TLE4: variants seen among roughly 807,000 people sequenced by gnomAD.
The protein encoded by TLE4 is TLE family member 4, transcriptional corepressor, also known as transducin-like enhancer protein 4.
In TLE4, 8 loss-of-function variants were observed where a neutral mutation model predicts 92.8. That is an observed-to-expected ratio of 0.09 (90% CI 0.05 to 0.16). The LOEUF (loss-of-function observed/expected upper bound fraction) is 0.16. Among genes scored for constraint, TLE4 ranks in the 10% least tolerant of loss-of-function variants. The pLI is 1.00. For missense variants in TLE4, 675 were observed against 997.6 expected (o/e 0.68, Z 4.36); for synonymous variants, 371 against 374.1 (o/e 0.99, Z 0.10).
At chr9:79,627,907 A>G (rs62569302) in intron 6 of TLE4, among the ~76,000 whole-genome samples, 4,075 of 152,036 alleles carry the variant, frequency 0.027, 85 homozygotes, top group African/African-American at 0.055. Context: ...AGTGGCTCTT[A>G]TGGGTTAGTG....
At chr9:79,686,457 T>A (rs1296325995) in intron 8 of TLE4, among the ~76,000 whole-genome samples, 3 of 152,128 alleles carry the variant, frequency 2.0e-5, no homozygotes, top group Non-Finnish European at 4.4e-5. Context: ...TATTTAGAAA[T>A]AGGGTCTTGG....
At chr9:79,607,052 T>A (rs1453963813) in intron 4 of TLE4, among the ~76,000 whole-genome samples, 1 of 152,186 alleles carries the variant, frequency 6.6e-6, no homozygotes, top group Non-Finnish European at 1.5e-5. Context: ...TCCTGACTTT[T>A]TAATGATCCC....
At chr9:79,691,136 C>T (rs2135526801) in intron 8 of TLE4, among the ~76,000 whole-genome samples, 1 of 152,152 alleles carries the variant, frequency 6.6e-6, no homozygotes, top group South Asian at 2.1e-4. Context: ...CAGTCTAAAC[C>T]ACCAGCATTT....
At chr9:79,654,171 A>AT (rs1477317545) in intron 8 of TLE4, 96 bp downstream of exon 8, 5 of 1,287,748 alleles carry the variant, frequency 3.9e-6, no homozygotes, top group Non-Finnish European at 4.5e-6. Context: ...TTAGAGAATG[A>AT]TTTCATTGGT....
At chr9:79,572,906 A>G in intron 1 of TLE4, 71 bp downstream of exon 1, 4 of 1,518,200 alleles carry the variant, frequency 2.6e-6, no homozygotes, top group Non-Finnish European at 3.6e-6. Context: ...CTGCGCACCG[A>G]GTTGTGTCTT....
At chr9:79,678,504 C>T (rs2063720578) in intron 8 of TLE4, among the ~76,000 whole-genome samples, 1 of 151,630 alleles carries the variant, frequency 6.6e-6, no homozygotes, top group Admixed American at 6.6e-5. Context: ...TAAAGATTAC[C>T]ACTGTATCTG....
intron 6 of TLE4, among the ~76,000 whole-genome samples, chr9:79,644,893 A>T (rs938203598): frequency 1.3e-5 from 2 of 152,126 alleles, no homozygotes; most frequent in African/African-American, 4.8e-5. Context: ...CTCCTGGTGG[A>T]TGAGTAGTAT....
chr9:79,654,825 A>T (rs909794602), intron 8 of TLE4, among the ~76,000 whole-genome samples: 1 of 152,190 alleles, frequency 6.6e-6, no homozygotes, highest in African/African-American at 2.4e-5. Flanking sequence ...TAATGTGATC[A>T]CTTATGAACC....
At chr9:79,651,255 C>T (rs190862503) in intron 6 of TLE4, among the ~76,000 whole-genome samples, 156 of 152,270 alleles carry the variant, frequency 1.0e-3, no homozygotes, top group African/African-American at 2.8e-3. Context: ...TATTGCTAAG[C>T]AGGGTTTGAG....
chr9:79,628,077 G>T (rs1031002781), intron 6 of TLE4, among the ~76,000 whole-genome samples: 5 of 151,980 alleles, frequency 3.3e-5, no homozygotes, highest in African/African-American at 1.2e-4. Context: ...GCTTATATAT[G>T]TATGTTTTTT....
chr9:79,682,963 A>C (rs1009477114), intron 8 of TLE4, among the ~76,000 whole-genome samples: 11 of 152,264 alleles, frequency 7.2e-5, no homozygotes, highest in Non-Finnish European at 1.3e-4. Context: ...AGGGATGAGT[A>C]AACTATGGCC....
intron 6 of TLE4, among the ~76,000 whole-genome samples, chr9:79,639,272 A>AT (rs1287923846): frequency 6.6e-6 from 1 of 151,976 alleles, no homozygotes; most frequent in African/African-American, 2.4e-5. Context: ...AATTCAGGCC[A>AT]TTTTTGGGTA....
At chr9:79,602,595 G>A (rs189593944) in intron 4 of TLE4, among the ~76,000 whole-genome samples, 75 of 152,240 alleles carry the variant, frequency 4.9e-4, no homozygotes, top group Admixed American at 1.9e-3. Context: ...TAATCCCATT[G>A]TTGAGACCTA....
At chr9:79,676,923 G>A (rs936228714) in intron 8 of TLE4, among the ~76,000 whole-genome samples, 1 of 152,128 alleles carries the variant, frequency 6.6e-6, no homozygotes, top group African/African-American at 2.4e-5. Context: ...TCAAAGATGT[G>A]TTCAGTATTT....
chr9:79,578,611 T>G (rs1315835867), intron 4 of TLE4, among the ~76,000 whole-genome samples: 1 of 152,182 alleles, frequency 6.6e-6, no homozygotes, highest in Admixed American at 6.5e-5. Flanking sequence ...CCCCCTGTGT[T>G]GATTCTGATA....
chr9:79,612,789 G>T lies in TLE4; in HGVS notation c.315+71G>T. ...GTGGTTTTGCAGAAAAGGGATTGTAGAACTGACTCTCTGGCCTTGCCAGTC... is the reference window on the plus strand; with the variant it reads ...GTGGTTTTGCAGAAAAGGGATTGTATAACTGACTCTCTGGCCTTGCCAGTC... On this transcript the variant is annotated intron_variant, in intron 5 of 19. Coordinates refer to ENST00000376552, the MANE Select transcript of TLE4 (RefSeq NM_007005.6). 2.3e-6 allele frequency: 3 copies of T among 1,293,032 alleles called. No homozygotes were observed. The South Asian group carries it at 3.6e-5, about 15-fold the overall frequency. 80.1% of individuals were successfully genotyped at this position (1,293,032 alleles called of 1,614,324 possible). A position where few individuals can be genotyped will look rare whatever the true frequency, so the allele number is the denominator to read the frequency against.
At chr9:79,586,789 G>A (rs1407979850) in intron 4 of TLE4, among the ~76,000 whole-genome samples, 1 of 152,118 alleles carries the variant, frequency 6.6e-6, no homozygotes, top group East Asian at 1.9e-4. Context: ...GAAGAATGTG[G>A]TTTTGGTTTT....
chr9:79,679,051 T>G (rs1813703287), intron 8 of TLE4, among the ~76,000 whole-genome samples: 1 of 151,972 alleles, frequency 6.6e-6, no homozygotes, highest in Admixed American at 6.6e-5. Flanking sequence ...TTCCAAGTCT[T>G]TGCTATTGTG....
At chr9:79,637,040 A>G (rs2056043704) in intron 6 of TLE4, among the ~76,000 whole-genome samples, 1 of 106,210 alleles carries the variant, frequency 9.4e-6, no homozygotes. Context: ...ATAGTATGAT[A>G]TTAGGAATTT....
Sources: allele counts gnomAD v4.1 joint callset (sites outside exome capture counted in the v4.1 genomes callset), GRCh38; gene constraint gnomAD v4.1.1; transcripts MANE v1.5; gene names NCBI Gene and HGNC (gene_info 2026-07-23, HGNC 2026-07-21).